Variants in LDLRAD4 observed in about 807,000 individuals in gnomAD.
LDLRAD4 encodes the protein low-density lipoprotein receptor class A domain-containing protein 4.
In LDLRAD4, 5 loss-of-function variants were observed where a neutral mutation model predicts 17.0. The observed-to-expected ratio is 0.29, with a 90% CI of 0.15 to 0.62. LDLRAD4 has a LOEUF of 0.62. LDLRAD4 is among the 20% of genes least tolerant of loss of function. LDLRAD4 has a pLI of 0.84. For missense variants in LDLRAD4, 340 were observed against 424.7 expected, an observed-to-expected ratio of 0.80 and a Z score of 1.75; for synonymous variants, 168 against 171.8, an observed-to-expected ratio of 0.98 and a Z score of 0.17.
intron 1 of LDLRAD4, among the ~76,000 whole-genome samples, chr18:13,261,682 C>T (rs571138443): frequency 6.6e-6 from 1 of 152,314 alleles, no homozygotes; most frequent in African/African-American, 2.4e-5. Context: ...GTCTTTCTAT[C>T]CTACTTTTGA....
At chr18:13,429,546 G>A (rs2090185540) in intron 2 of LDLRAD4, among the ~76,000 whole-genome samples, 1 of 152,250 alleles carries the variant, frequency 6.6e-6, no homozygotes, top group African/African-American at 2.4e-5. Context: ...TTCAGAGCAG[G>A]CGACGGAAGT....
At chr18:13,261,576 C>T (rs746502421) in intron 1 of LDLRAD4, among the ~76,000 whole-genome samples, 181 of 152,268 alleles carry the variant, frequency 1.2e-3, no homozygotes, top group African/African-American at 4.2e-3. Context: ...TAACCTCAGC[C>T]GTACCCTAGA....
intron 3 of LDLRAD4, among the ~76,000 whole-genome samples, chr18:13,596,638 A>G (rs576024542): frequency 6.6e-6 from 1 of 152,270 alleles, no homozygotes; most frequent in East Asian, 1.9e-4. Flanking sequence ...CTAACAATAC[A>G]TTGTTATAAT....
intron 3 of LDLRAD4, among the ~76,000 whole-genome samples, chr18:13,449,871 G>C (rs745382069): frequency 6.6e-6 from 1 of 152,154 alleles, no homozygotes; most frequent in Non-Finnish European, 1.5e-5. Flanking sequence ...TTGGGCAGGT[G>C]GTGGGTTCAG....
At chr18:13,606,947 T>G (rs1343424745) in intron 3 of LDLRAD4, among the ~76,000 whole-genome samples, 1 of 152,218 alleles carries the variant, frequency 6.6e-6, no homozygotes, top group Admixed American at 6.5e-5. Flanking sequence ...CATGTGGAGA[T>G]GTAGAATCTT....
chr18:13,332,896 G>C (rs2081938519), intron 1 of LDLRAD4, among the ~76,000 whole-genome samples: 1 of 152,070 alleles, frequency 6.6e-6, no homozygotes, highest in African/African-American at 2.4e-5. Context: ...GTTTTTGCAT[G>C]GTTGTAAGTT....
intron 3 of LDLRAD4, among the ~76,000 whole-genome samples, chr18:13,528,551 G>A (rs948324646): frequency 6.6e-6 from 1 of 152,148 alleles, no homozygotes. Flanking sequence ...GACCTCGGGT[G>A]ATCCACCCAC....
chr18:13,497,807 G>A (rs1438000131), intron 3 of LDLRAD4, among the ~76,000 whole-genome samples: 1 of 152,206 alleles, frequency 6.6e-6, no homozygotes, highest in African/African-American at 2.4e-5. Flanking sequence ...AGGAGCCAGC[G>A]AAAACGACAC....
intron 3 of LDLRAD4, among the ~76,000 whole-genome samples, chr18:13,448,610 T>A (rs886366310): frequency 1.4e-5 from 2 of 146,284 alleles, no homozygotes; most frequent in African/African-American, 5.1e-5. Flanking sequence ...GTGGTGGGAG[T>A]CGGGAAGGAG....
At chr18:13,551,033 G>C (rs922989230) in intron 3 of LDLRAD4, among the ~76,000 whole-genome samples, 1 of 152,108 alleles carries the variant, frequency 6.6e-6, no homozygotes, top group African/African-American at 2.4e-5. Context: ...GCAGAGCACT[G>C]GGCCCTTCTT....
chr18:13,239,810 A>G (rs929205283), intron 1 of LDLRAD4: 2 of 152,320 alleles, frequency 1.3e-5, no homozygotes, highest in African/African-American at 2.4e-5. Flanking sequence ...GGTTTGCTCC[A>G]TGGTGGCCTG....
intron 3 of LDLRAD4, among the ~76,000 whole-genome samples, chr18:13,603,819 T>C (rs1301216709): frequency 6.6e-6 from 1 of 152,206 alleles, no homozygotes; most frequent in Non-Finnish European, 1.5e-5. Flanking sequence ...TTGCTAGAGA[T>C]GTGAAGCAGG....
chr18:13,318,284 CAG>C (rs1189937603), intron 1 of LDLRAD4, among the ~76,000 whole-genome samples: 2 of 151,306 alleles, frequency 1.3e-5, no homozygotes, highest in Non-Finnish European at 2.9e-5. Context: ...TTTTTTGAGA[CAG>C]AGTCTCCCTC....
chr18:13,263,148 G>A (rs2044003665), intron 1 of LDLRAD4, among the ~76,000 whole-genome samples: 1 of 138,214 alleles, frequency 7.2e-6, no homozygotes, highest in Non-Finnish European at 1.5e-5. Flanking sequence ...GCTGAGTCCC[G>A]TGTGGCTCTG....
intron 1 of LDLRAD4, among the ~76,000 whole-genome samples, chr18:13,325,769 T>C (rs928415381): frequency 5.9e-5 from 9 of 151,978 alleles, no homozygotes; most frequent in Admixed American, 2.6e-4. Context: ...TTTTTTTTTT[T>C]TGAGACGGAG....
intron 1 of LDLRAD4, among the ~76,000 whole-genome samples, chr18:13,257,163 C>T (rs1295906221): frequency 1.3e-5 from 2 of 152,216 alleles, no homozygotes; most frequent in East Asian, 1.9e-4. Flanking sequence ...CACAGCCTCG[C>T]GGCCCTGGCT....
At chr18:13,229,512 A>G (rs905942667) in intron 1 of LDLRAD4, among the ~76,000 whole-genome samples, 7 of 152,206 alleles carry the variant, frequency 4.6e-5, no homozygotes, top group African/African-American at 1.7e-4. Context: ...GCACAGTCAG[A>G]GACCCAGTTC....
At chr18:13,232,719 C>T (rs143145817) in intron 1 of LDLRAD4, among the ~76,000 whole-genome samples, 30 of 152,338 alleles carry the variant, frequency 2.0e-4, no homozygotes, top group Middle Eastern at 3.4e-3. Context: ...AAGTGGAAGC[C>T]GTGTGCGCCG....
intron 3 of LDLRAD4, among the ~76,000 whole-genome samples, chr18:13,524,799 C>G (rs577885255): frequency 2.0e-5 from 3 of 152,208 alleles, no homozygotes; most frequent in Non-Finnish European, 4.4e-5. Flanking sequence ...GCGTTTTTCT[C>G]CACATCAGAA....
Sources: gnomAD v4.1 joint callset for allele counts (sites outside exome capture counted in the v4.1 genomes callset) on GRCh38, gnomAD v4.1.1 for gene constraint, MANE v1.5 for transcripts, NCBI Gene and HGNC (gene_info 2026-07-23, HGNC 2026-07-21) for gene names.